The following CENPU variants were observed in gnomAD, a reference collection of about 807,000 sequenced individuals.
CENPU encodes the protein KSHV latent nuclear antigen interacting protein 1.
In CENPU, 46 loss-of-function variants were observed where a neutral mutation model predicts 56.7. The observed-to-expected ratio is 0.81, with a 90% CI of 0.64 to 1.04. The LOEUF is 1.04. Among genes scored for constraint, CENPU ranks in the 50% least tolerant of loss-of-function variants. The pLI is 0.00. For missense variants in CENPU, 510 were observed against 490.1 expected (o/e 1.04, Z -0.38); for synonymous variants, 166 against 163.0 (o/e 1.02, Z -0.14).
chr4:184,724,543 T>C (rs1479060260), intron 4 of CENPU, among the ~76,000 whole-genome samples: 1 of 152,230 alleles, frequency 6.6e-6, no homozygotes, highest in Admixed American at 6.5e-5. Flanking sequence ...TCAGGGACAG[T>C]GCATCTGAAA....
intron 1 of CENPU, chr4:184,733,296 A>T (rs1761720038): frequency 1.3e-5 from 13 of 985,326 alleles, no homozygotes; most frequent in Non-Finnish European, 1.4e-5. Context: ...ATCTACCAGC[A>T]CCTCCTCCTC....
Position 184,700,872 on chromosome 4 carries a change from CTG to C in CENPU, c.932_933del (p.Ser311Ter). ...NLKRKNAKMI[S>X]DIEKKRQRMI... is the part of the protein sequence containing the mutation. ...ATACGCTGCCTTTTCTTTTCGATAT[CTG>C]AAATCATCTAAGTAACACAATCATT... On this transcript the variant is annotated frameshift_variant, in exon 11 of 13. Transcript: ENST00000281453. LOFTEE classifies it high-confidence loss of function. 1 of 1,612,142 alleles carries C rather than the reference CTG, an allele frequency of 6.2e-7. No individual in the cohort carries two copies. The highest frequency in any genetic ancestry group is 2.2e-5 in the East Asian group (1 of 44,888).
At chr4:184,733,693 G>T (rs193104341) in intron 1 of CENPU, among the ~76,000 whole-genome samples, 1 of 152,184 alleles carries the variant, frequency 6.6e-6, no homozygotes, top group Non-Finnish European at 1.5e-5. Context: ...CAGGCAATAC[G>T]TATTTGCTGA....
At chr4:184,724,261 A>C (rs1032245384) in intron 4 of CENPU, among the ~76,000 whole-genome samples, 4 of 151,514 alleles carry the variant, frequency 2.6e-5, no homozygotes, top group Non-Finnish European at 5.9e-5. Context: ...GCAAGACTCC[A>C]TCTCAAAAAA....
chr4:184,719,400 GGA>G (rs1761198326), intron 4 of CENPU, among the ~76,000 whole-genome samples: 3 of 152,236 alleles, frequency 2.0e-5, no homozygotes, highest in Non-Finnish European at 4.4e-5. Context: ...CTGTAACAGT[GGA>G]AAGCAGAACC....
intron 11 of CENPU, among the ~76,000 whole-genome samples, chr4:184,700,175 CCA>C (rs1443893122): frequency 9.2e-5 from 14 of 152,184 alleles, no homozygotes; most frequent in African/African-American, 3.1e-4. Context: ...GATGTGCACT[CCA>C]GTCTTCCTAA....
chr4:184,702,169 G>A (rs778979090), intron 9 of CENPU, 33 bp from the exon 10 acceptor site: 2 of 1,509,140 alleles, frequency 1.3e-6, no homozygotes, highest in South Asian at 1.1e-5. Context: ...ATGTACATCA[G>A]TTTCCAAAAG....
chr4:184,733,749 G>C (rs1016252052), intron 1 of CENPU, among the ~76,000 whole-genome samples: 2 of 152,182 alleles, frequency 1.3e-5, no homozygotes, highest in Admixed American at 6.5e-5. Flanking sequence ...TACTTTGGAC[G>C]GCACTCCCCC....
At chr4:184,733,618 T>C (rs1761735749) in intron 1 of CENPU, among the ~76,000 whole-genome samples, 1 of 152,248 alleles carries the variant, frequency 6.6e-6, no homozygotes, top group African/African-American at 2.4e-5. Context: ...CACCAGGGTC[T>C]TCAAAATAAG....
chr4:184,695,740 G>A (rs1331853221), intron 12 of CENPU, among the ~76,000 whole-genome samples: 2 of 152,066 alleles, frequency 1.3e-5, no homozygotes, highest in Non-Finnish European at 2.9e-5. Context: ...TGCTCGTGCT[G>A]TGTAGAATCT....
rs1045591787 is a variant in CENPU, at chr4:184,694,125, C to T, written c.*1163G>A. On this transcript the variant is annotated 3_prime_UTR_variant, in exon 13 of 13. Coordinates refer to ENST00000281453, the MANE Select transcript of CENPU (RefSeq NM_024629.4). Reference sequence around the variant, plus strand: ...TTAATCTTTTTTCAATCCATGTTTACGATTTGCTAAATACTTTAAAATTTA... The same window carrying T: ...TTAATCTTTTTTCAATCCATGTTTATGATTTGCTAAATACTTTAAAATTTA... The T allele has an allele frequency of 1.2e-5, 8 of 650,600 alleles. No individual in the cohort carries two copies. The highest frequency in any genetic ancestry group is 1.4e-4 in the East Asian group (1 of 7,266). 40.3% of individuals were successfully genotyped at this position (650,600 alleles called of 1,614,324 possible).
chr4:184,724,090 C>A (rs1033028272), intron 4 of CENPU, among the ~76,000 whole-genome samples: 9 of 151,716 alleles, frequency 5.9e-5, no homozygotes, highest in Admixed American at 4.6e-4. Context: ...TGGTGAAACC[C>A]CGTCTCTACT....
Position 184,694,530 on chromosome 4 carries a change from G to C in CENPU, c.*758C>G, listed in dbSNP as rs766849859. On this transcript the variant is annotated 3_prime_UTR_variant, in exon 13 of 13. Transcript: ENST00000281453. ...TCACCACTGAAATAAAGGAAGAAGA[G>C]TTTACAACAGATGAAGCAGATGAAA... 32 of 1,611,252 alleles carry C rather than the reference G, an allele frequency of 2.0e-5. No individual in the cohort carries two copies. Among genetic ancestry groups the C allele is most frequent in the Non-Finnish European group, 2.6e-5 (31 of 1,179,194 alleles).
chr4:184,711,673 A>G (rs1411003988), intron 7 of CENPU, among the ~76,000 whole-genome samples: 1 of 152,224 alleles, frequency 6.6e-6, no homozygotes, highest in African/African-American at 2.4e-5. Context: ...GTAGGAGTAT[A>G]AAACTATATT....
intron 3 of CENPU, among the ~76,000 whole-genome samples, chr4:184,725,628 AAACTC>A (rs1383386469): frequency 6.6e-6 from 1 of 152,200 alleles, no homozygotes; most frequent in Non-Finnish European, 1.5e-5. Context: ...ATTAAACTAT[AAACTC>A]AACAGGCCTA....
chr4:184,702,678 C>T lies in CENPU; in HGVS notation c.798-237G>A, dbSNP rs542215402. On this transcript the variant is annotated intron_variant, in intron 8 of 12. Transcript: ENST00000281453. ...ACAACTGACCCCACCACTCAGGTAGCGAGCATAGTAGCAAACAGGTTGTTT... is the reference window on the plus strand; with the variant it reads ...ACAACTGACCCCACCACTCAGGTAGTGAGCATAGTAGCAAACAGGTTGTTT... 2.6e-5 allele frequency among the ~76,000 whole-genome samples: 4 copies of T among 152,260 alleles called. No homozygotes were observed. The South Asian group carries it at 6.2e-4, about 24-fold the overall frequency.
chr4:184,715,309 C>T (rs1761052074), intron 6 of CENPU, among the ~76,000 whole-genome samples: 1 of 152,036 alleles, frequency 6.6e-6, no homozygotes, highest in African/African-American at 2.4e-5. Flanking sequence ...ATTTTAGCAC[C>T]AATAAGACCC....
At chr4:184,701,948 C>T in intron 10 of CENPU, 141 bp downstream of exon 10, 2 of 650,506 alleles carry the variant, frequency 3.1e-6, no homozygotes, top group Non-Finnish European at 5.5e-6. Context: ...GTATCAACCA[C>T]AAGATCAACC....
At chr4:184,699,356 A>T (rs7666819) in intron 11 of CENPU, among the ~76,000 whole-genome samples, 2 of 151,704 alleles carry the variant, frequency 1.3e-5, no homozygotes, top group Non-Finnish European at 2.9e-5. Flanking sequence ...ATAAATAAAT[A>T]AAATAAACTT....
Sources: allele counts gnomAD v4.1 joint callset (sites outside exome capture counted in the v4.1 genomes callset), GRCh38; gene constraint gnomAD v4.1.1; transcripts MANE v1.5; gene names NCBI Gene and HGNC (gene_info 2026-07-23, HGNC 2026-07-21).